The following FBLN2 variants were observed in gnomAD, a reference collection of about 807,000 sequenced individuals.
FBLN2 encodes the protein fibulin 2.
FBLN2 carries 81 observed loss-of-function variants against 123.7 expected under a neutral mutation model. That is an observed-to-expected ratio of 0.65 (90% CI 0.55 to 0.79). The LOEUF (loss-of-function observed/expected upper bound fraction) is 0.79. Among genes scored for constraint, FBLN2 ranks in the 30% least tolerant of loss-of-function variants. FBLN2 has a pLI of 0.00. For missense variants in FBLN2, 1,603 were observed against 1,681.3 expected (o/e 0.95, Z 0.81); for synonymous variants, 699 against 701.4 (o/e 1.00, Z 0.05).
At chr3:13,601,674 A>G (rs1242687933) in intron 2 of FBLN2, among the ~76,000 whole-genome samples, 2 of 152,244 alleles carry the variant, frequency 1.3e-5, no homozygotes, top group Non-Finnish European at 2.9e-5. Flanking sequence ...GGGCTGAGAT[A>G]TGGCTATGAG....
rs1362022448 is a variant in FBLN2 at position 13,637,836 on chromosome 3, G to A, written c.3613G>A (p.Val1205Met). ...VLEPRDFALDVEMKLWRQGSV... is the reference protein window; with the variant it reads ...VLEPRDFALDMEMKLWRQGSV... ...GGAGCCCCGGGACTTTGCCCTGGAC[G>A]TGGAGATGAAGCTCTGGAGGCAGGG... Residue 1205 changes from valine (V) to methionine (M), a missense_variant, in exon 18 of 18, where the codon GTG becomes ATG. Coordinates refer to ENST00000404922, the MANE Select transcript of FBLN2 (RefSeq NM_001004019.2). 5 of 1,613,194 alleles carry A rather than the reference G, an allele frequency of 3.1e-6. No individual in the cohort carries two copies. The highest frequency in any genetic ancestry group is 3.4e-6 in the Non-Finnish European group (4 of 1,179,398).
intron 16 of FBLN2, 133 bp from the exon 17 acceptor site, chr3:13,636,312 T>G: frequency 9.4e-7 from 1 of 1,065,282 alleles, no homozygotes. Context: ...GGGGCATGTG[T>G]GTGCAGGGAG....
chr3:13,563,636 G>A (rs1427628753), intron 1 of FBLN2, among the ~76,000 whole-genome samples: 1 of 152,224 alleles, frequency 6.6e-6, no homozygotes. Context: ...GGGGAGCCCC[G>A]TCTAAGACAG....
At position 13,571,005 on chromosome 3, in the gene FBLN2, AG is replaced by A; in HGVS notation, c.652del (p.Ala218ArgfsTer56). Reference protein sequence around the residue: ...EAATALGGEVQAGAVQAGAGG... With the variant: ...EAATALGGEVXAGAVQAGAGG... ...GCAACAGCCCTGGGGGGTGAGGTCC[AG>A]GCGGGTGCAGTCCAGGCAGGCGCAG... On this transcript the variant is annotated frameshift_variant, in exon 2 of 18. Transcript: ENST00000404922. LOFTEE classifies it high-confidence loss of function. 6.3e-7 allele frequency: 1 copy of A among 1,598,904 alleles called. No individual in the cohort carries two copies. The highest frequency in any genetic ancestry group is 8.5e-7 in the Non-Finnish European group (1 of 1,173,060).
At chr3:13,594,010 T>A (rs1056249542) in intron 2 of FBLN2, among the ~76,000 whole-genome samples, 12 of 152,220 alleles carry the variant, frequency 7.9e-5, no homozygotes, top group Non-Finnish European at 1.5e-4. Flanking sequence ...TGAGTTACAG[T>A]TGACAAGCTG....
At chr3:13,627,430 G>A (rs989130336) in intron 10 of FBLN2, among the ~76,000 whole-genome samples, 1 of 152,180 alleles carries the variant, frequency 6.6e-6, no homozygotes, top group African/African-American at 2.4e-5. Flanking sequence ...GTGTGGGACA[G>A]CGGCTAACAA....
At position 13,570,595 on chromosome 3, in the gene FBLN2, C is replaced by T. The variant is rs756357369; in HGVS notation, c.240C>T (p.Arg80=). 4.7e-5 allele frequency: 74 copies of T among 1,577,700 alleles called. No homozygotes were observed. The highest frequency in any genetic ancestry group is 7.0e-5 in the East Asian group (3 of 42,990). ...YYDCLQGGFV[R]GRVPAGQSYF... ...ACTGCCTACAGGGTGGCTTCGTGCG[C>T]GGCCGCGTGCCCGCCGGTCAGTCCT... The change falls in exon 2 of 18, where the codon CGC becomes CGT. Residue 80 remains arginine (R), a synonymous_variant. Coordinates refer to ENST00000404922, the MANE Select transcript of FBLN2 (RefSeq NM_001004019.2).
At chr3:13,626,145 A>C (rs1310023100) in intron 9 of FBLN2, among the ~76,000 whole-genome samples, 1 of 152,146 alleles carries the variant, frequency 6.6e-6, no homozygotes, top group East Asian at 1.9e-4. Flanking sequence ...ATGTTTGTTT[A>C]TGTATTTATT....
chr3:13,627,219 T>G (rs968047177), intron 10 of FBLN2, among the ~76,000 whole-genome samples: 1 of 151,242 alleles, frequency 6.6e-6, no homozygotes, highest in African/African-American at 2.4e-5. Flanking sequence ...CTGGGGAGGG[T>G]GTTCAGGCAG....
At chr3:13,608,033 G>A in intron 2 of FBLN2, 29 bp from the exon 3 acceptor site, 4 of 1,539,504 alleles carry the variant, frequency 2.6e-6, no homozygotes, top group East Asian at 2.4e-5. Context: ...CTTATGAATG[G>A]TGACTCTGCC....
At chr3:13,584,395 C>A (rs1263184811) in intron 2 of FBLN2, among the ~76,000 whole-genome samples, 1 of 152,172 alleles carries the variant, frequency 6.6e-6, no homozygotes, top group Non-Finnish European at 1.5e-5. Context: ...TGACTCCAAC[C>A]CAGGCTCTCT....
In FBLN2 at chr3:13,629,197, G is replaced by A; in HGVS notation, c.2747G>A (p.Cys916Tyr). Residue 916 changes from cysteine to tyrosine, a missense_variant, in exon 13 of 18, where the codon TGC becomes TAC. Coordinates refer to ENST00000404922, the MANE Select transcript of FBLN2 (RefSeq NM_001004019.2). Reference protein sequence around the residue: ...VNECETGVHRCGEGQVCHNLP... With the variant: ...VNECETGVHRYGEGQVCHNLP... The stretch of plus-strand genomic sequence containing the variant: ...GAGTGTGAGACAGGTGTGCACCGCT[G>A]CGGTGAGGGCCAAGTGTGCCACAAC... The A allele has an allele frequency of 1.2e-6, 2 of 1,613,308 alleles. No homozygotes were observed. Among genetic ancestry groups the A allele is most frequent in the Non-Finnish European group, 1.7e-6 (2 of 1,179,748 alleles).
intron 2 of FBLN2, among the ~76,000 whole-genome samples, chr3:13,579,518 G>A (rs572956261): frequency 6.6e-6 from 1 of 152,366 alleles, no homozygotes; most frequent in South Asian, 2.1e-4. Flanking sequence ...GTAGGTGCGT[G>A]CACGTATTTT....
At chr3:13,586,664 A>ATTTTTTTTTT (rs539204519) in intron 2 of FBLN2, among the ~76,000 whole-genome samples, 1 of 124,822 alleles carries the variant, frequency 8.0e-6, no homozygotes, top group African/African-American at 3.2e-5. Flanking sequence ...TGCCCAGCTA[A>ATTTTTTTTTT]TTTTTTTTTT....
chr3:13,581,355 C>A (rs1217550012), intron 2 of FBLN2, among the ~76,000 whole-genome samples: 1 of 152,060 alleles, frequency 6.6e-6, no homozygotes, highest in Non-Finnish European at 1.5e-5. Flanking sequence ...AAAGTCCTTT[C>A]CTGGACGGAG....
At chr3:13,612,308 T>TTTCC (rs1204103397) in intron 4 of FBLN2, among the ~76,000 whole-genome samples, 5 of 141,846 alleles carry the variant, frequency 3.5e-5, no homozygotes, top group Non-Finnish European at 7.6e-5. Context: ...TCTTTCTTTC[T>TTTCC]TTCTTTCTTT....
rs752304774 is a variant in FBLN2, at chr3:13,571,046, G to C, written c.691G>C (p.Ala231Pro). 12 of 1,564,678 alleles carry C rather than the reference G, an allele frequency of 7.7e-6. No homozygotes were observed. In the African/African-American group the frequency reaches 1.4e-4, roughly 18 times the overall value. ...GGCAGGCGCAGGGGGCCCCCCAGCT[G>C]CTCTGGGAGGTGGGAGTCAGCCACT... ...VQAGAGGPPAALGGGSQPLST... is the reference protein window; with the variant it reads ...VQAGAGGPPAPLGGGSQPLST... Residue 231 changes from alanine to proline, a missense_variant, in exon 2 of 18, where the codon GCT becomes CCT. Ala to Pro is a conservative substitution (Grantham distance 27). Coordinates refer to ENST00000404922, the MANE Select transcript of FBLN2 (RefSeq NM_001004019.2).
intron 5 of FBLN2, among the ~76,000 whole-genome samples, chr3:13,614,550 C>G (rs1244367822): frequency 1.3e-5 from 2 of 151,448 alleles, no homozygotes; most frequent in East Asian, 3.9e-4. Context: ...CATTCACTCC[C>G]TCATTCATCC....
At chr3:13,605,600 C>G (rs887252720) in intron 2 of FBLN2, among the ~76,000 whole-genome samples, 13 of 152,298 alleles carry the variant, frequency 8.5e-5, no homozygotes, top group Admixed American at 4.6e-4. Flanking sequence ...CATCCTCCCC[C>G]CCAGTGATGG....
Sources: gnomAD v4.1 joint callset for allele counts (sites outside exome capture counted in the v4.1 genomes callset) on GRCh38, gnomAD v4.1.1 for gene constraint, MANE v1.5 for transcripts, NCBI Gene and HGNC (gene_info 2026-07-23, HGNC 2026-07-21) for gene names.